Variants in MCC observed in about 807,000 individuals in gnomAD.
The protein encoded by MCC is MCC regulator of Wnt signaling pathway, also known as colorectal mutant cancer protein.
Under a neutral mutation model 116.2 loss-of-function variants are expected in MCC, and 90 were observed. The ratio of observed to expected loss-of-function variants is 0.77; its 90% CI spans 0.65 to 0.92. MCC has a LOEUF of 0.92. Among genes scored for constraint, MCC ranks in the 40% least tolerant of loss-of-function variants. The pLI is 0.00. For synonymous variants in MCC, 578 were observed against 510.5 expected (o/e 1.13, Z -1.78); for missense variants, 1,516 against 1,312.2 (o/e 1.16, Z -2.40).
intron 6 of MCC, among the ~76,000 whole-genome samples, chr5:113,117,182 C>T (rs1014744782): frequency 3.3e-5 from 5 of 152,174 alleles, no homozygotes; most frequent in Non-Finnish European, 5.9e-5. Context: ...TTCCCTGCCC[C>T]GACCCTCTCT....
chr5:113,170,530 G>C (rs1463488292), intron 3 of MCC, among the ~76,000 whole-genome samples: 2 of 151,926 alleles, frequency 1.3e-5, no homozygotes, highest in African/African-American at 2.4e-5. Flanking sequence ...TCTGCTTGTG[G>C]GAAGCTAATA....
At chr5:113,198,569 T>A (rs1429591389) in intron 3 of MCC, among the ~76,000 whole-genome samples, 2 of 149,824 alleles carry the variant, frequency 1.3e-5, no homozygotes, top group Non-Finnish European at 3.0e-5. Flanking sequence ...CCGGGCATGA[T>A]GGCCTGCACC....
intron 3 of MCC, among the ~76,000 whole-genome samples, chr5:113,228,998 T>C (rs1341051182): frequency 6.6e-6 from 1 of 152,194 alleles, no homozygotes; most frequent in African/African-American, 2.4e-5. Context: ...TAGTTTTAAA[T>C]ACCTATTAAA....
intron 3 of MCC, among the ~76,000 whole-genome samples, chr5:113,253,312 C>A (rs565324151): frequency 1.3e-5 from 2 of 152,300 alleles, no homozygotes; most frequent in South Asian, 4.1e-4. Context: ...CTCCTTTTCA[C>A]CAGCCTATCA....
At chr5:113,247,693 T>C (rs1384312041) in intron 3 of MCC, among the ~76,000 whole-genome samples, 3 of 151,996 alleles carry the variant, frequency 2.0e-5, no homozygotes, top group Non-Finnish European at 2.9e-5. Flanking sequence ...GAGGGACAGA[T>C]GGATGTAACA....
intron 1 of MCC, among the ~76,000 whole-genome samples, chr5:113,484,250 A>G (rs1270552854): frequency 6.6e-6 from 1 of 152,202 alleles, no homozygotes; most frequent in African/African-American, 2.4e-5. Flanking sequence ...TATGGAAAAA[A>G]TCTGCACATG....
intron 11 of MCC, among the ~76,000 whole-genome samples, chr5:113,077,500 A>T (rs780803026): frequency 6.6e-6 from 1 of 152,202 alleles, no homozygotes; most frequent in African/African-American, 2.4e-5. Context: ...GGATTAAGAA[A>T]CTCACTCAAA....
intron 14 of MCC, among the ~76,000 whole-genome samples, chr5:113,058,346 G>A (rs1005090872): frequency 2.0e-5 from 3 of 152,136 alleles, no homozygotes; most frequent in Admixed American, 6.5e-5. Context: ...GAGGGGTCCC[G>A]GGCTGGCCGC....
chr5:113,146,821 T>C (rs1451275821), intron 4 of MCC, among the ~76,000 whole-genome samples: 2 of 152,238 alleles, frequency 1.3e-5, no homozygotes, highest in Non-Finnish European at 2.9e-5. Context: ...ACTGCTTTTT[T>C]TTCTGTCATT....
At chr5:113,412,308 G>C (rs954421091) in intron 1 of MCC, among the ~76,000 whole-genome samples, 2 of 152,204 alleles carry the variant, frequency 1.3e-5, no homozygotes, top group African/African-American at 4.8e-5. Flanking sequence ...GTTCTGTGAA[G>C]AAAGTCATTG....
intron 1 of MCC, 65 bp downstream of exon 1, chr5:113,488,179 AG>A (rs762766830): frequency 9.2e-5 from 138 of 1,494,072 alleles, no homozygotes; most frequent in Non-Finnish European, 1.2e-4. Flanking sequence ...GGGGCAGAGC[AG>A]GGGTCAAGGG....
At chr5:113,041,345 C>T (rs1017638124) in intron 17 of MCC, among the ~76,000 whole-genome samples, 3 of 152,250 alleles carry the variant, frequency 2.0e-5, no homozygotes, top group Admixed American at 2.0e-4. Context: ...TTTTTTAAAA[C>T]CCCTGAGCAT....
In MCC at chr5:113,318,792, A is replaced by G. The variant is rs544390472; in HGVS notation, c.627+21727T>C. 2.6e-5 allele frequency among the ~76,000 whole-genome samples: 4 copies of G among 152,330 alleles called. No homozygotes were observed. The South Asian group carries it at 8.3e-4, about 32-fold the overall frequency. On this transcript the variant is annotated intron_variant, in intron 3 of 18. Transcript: ENST00000408903. ...TAAGTGCCATGACACAAGTTTGCCT[A>G]TGTAACAAACCTCCACGTGTGCCCC...
intron 3 of MCC, among the ~76,000 whole-genome samples, chr5:113,195,168 A>G (rs1444041555): frequency 6.6e-6 from 1 of 152,238 alleles, no homozygotes; most frequent in Non-Finnish European, 1.5e-5. Flanking sequence ...CTTGGTGTGA[A>G]GACAGCAATG....
At chr5:113,439,541 C>G (rs932183977) in intron 1 of MCC, among the ~76,000 whole-genome samples, 1 of 152,158 alleles carries the variant, frequency 6.6e-6, no homozygotes, top group African/African-American at 2.4e-5. Context: ...TCTCAGTGTC[C>G]TAGCCTACCT....
chr5:113,219,395 T>A (rs918643273), intron 3 of MCC, among the ~76,000 whole-genome samples: 1 of 152,210 alleles, frequency 6.6e-6, no homozygotes, highest in African/African-American at 2.4e-5. Flanking sequence ...GCATTAAGAA[T>A]CAGCAATTAA....
rs1019181606 is a variant in MCC, at chr5:113,063,991, G to A, written c.2206C>T (p.His736Tyr). Residue 736 changes from histidine (H) to tyrosine (Y), a missense_variant, in exon 14 of 19, where the codon CAC (histidine) becomes TAC (tyrosine). Physicochemically the swap from His to Tyr is moderately conservative, Grantham distance 83 (BLOSUM62 2). Coordinates refer to ENST00000408903, the MANE Select transcript of MCC (RefSeq NM_001085377.2). ...CAGAAGGCTGAGCATTACCTGGTGT[G>A]GCTGTTGGAGGAAAGGCTCTCCCAG... is the stretch of plus-strand genomic sequence containing the variant. ...QPWESLSSNSHTSTTSSTASS... is the reference protein window; with the variant it reads ...QPWESLSSNSYTSTTSSTASS... 1 of 1,612,142 alleles carries A rather than the reference G, an allele frequency of 6.2e-7. No homozygotes were observed. The highest frequency in any genetic ancestry group is 1.3e-5 in the African/African-American group (1 of 74,918).
At chr5:113,131,259 T>A (rs1758411127) in intron 5 of MCC, among the ~76,000 whole-genome samples, 1 of 152,188 alleles carries the variant, frequency 6.6e-6, no homozygotes, top group Admixed American at 6.5e-5. Context: ...CTTTTTTATT[T>A]TCTTTTCACA....
At chr5:113,142,275 G>C (rs1252034957) in intron 5 of MCC, among the ~76,000 whole-genome samples, 1 of 151,910 alleles carries the variant, frequency 6.6e-6, no homozygotes, top group Admixed American at 6.6e-5. Flanking sequence ...GCTTGTGTAA[G>C]CATTTGGTGA....
Sources: allele counts gnomAD v4.1 joint callset (sites outside exome capture counted in the v4.1 genomes callset), GRCh38; gene constraint gnomAD v4.1.1; transcripts MANE v1.5; gene names NCBI Gene and HGNC (gene_info 2026-07-23, HGNC 2026-07-21).